The following SULT1C3 variants were observed in gnomAD, a reference collection of about 807,000 sequenced individuals.
SULT1C3 encodes the protein sulfotransferase family 1C member 3.
Under a neutral mutation model 28.4 loss-of-function variants are expected in SULT1C3, and 31 were observed. The observed-to-expected ratio is 1.09, with a 90% CI of 0.82 to 1.47. The LOEUF (loss-of-function observed/expected upper bound fraction) is 1.47. Ranked by LOEUF, SULT1C3 falls within the 40% of genes most tolerant of loss-of-function variation. The pLI is 0.00. For missense variants in SULT1C3, 307 were observed against 272.5 expected (o/e 1.13, Z -0.89); for synonymous variants, 106 against 92.2 (o/e 1.15, Z -0.86).
chr2:108,258,627 A>T, intron 5 of SULT1C3, 107 bp from the exon 6 acceptor site: 1 of 798,530 alleles, frequency 1.3e-6, no homozygotes, highest in Non-Finnish European at 2.0e-6. Flanking sequence ...TCGTTAAGGA[A>T]CCAGAACGAT....
At chr2:108,251,910 G>T (rs962633688) in intron 2 of SULT1C3, among the ~76,000 whole-genome samples, 3 of 151,992 alleles carry the variant, frequency 2.0e-5, no homozygotes, top group Admixed American at 1.3e-4. Context: ...GATGTGATGA[G>T]AAACATTTAG....
downstream of SULT1C3, among the ~76,000 whole-genome samples, chr2:108,263,719 G>A (rs1013511706): frequency 2.0e-5 from 3 of 152,182 alleles, no homozygotes; most frequent in African/African-American, 7.2e-5. Flanking sequence ...AGGAAAAATG[G>A]GGTAGTGCAT....
At chr2:108,241,648 C>A (rs1012655304) in intron 1 of SULT1C3, among the ~76,000 whole-genome samples, 3 of 152,156 alleles carry the variant, frequency 2.0e-5, no homozygotes, top group Non-Finnish European at 4.4e-5. Flanking sequence ...ATGACTGGGA[C>A]AGGTCGTGGT....
At chr2:108,260,259 T>C (rs778835865) in intron 7 of SULT1C3, among the ~76,000 whole-genome samples, 8 of 152,248 alleles carry the variant, frequency 5.3e-5, no homozygotes, top group Admixed American at 1.3e-4. Context: ...GGTAACCAGC[T>C]GTAGACTTTG....
At chr2:108,262,998 G>C (rs1676056409), downstream of SULT1C3, among the ~76,000 whole-genome samples, 1 of 152,140 alleles carries the variant, frequency 6.6e-6, no homozygotes, top group Non-Finnish European at 1.5e-5. Flanking sequence ...AGACATATGT[G>C]ATTAATTTAT....
chr2:108,253,709 A>G (rs1675792073), intron 4 of SULT1C3, among the ~76,000 whole-genome samples: 1 of 152,068 alleles, frequency 6.6e-6, no homozygotes, highest in African/African-American at 2.4e-5. Flanking sequence ...GCTACAAATC[A>G]GAGAGTGTAT....
intron 6 of SULT1C3, 54 bp downstream of exon 6, chr2:108,258,882 A>C: frequency 7.1e-7 from 1 of 1,413,318 alleles, no homozygotes; most frequent in East Asian, 2.3e-5. Context: ...TGACAATGTT[A>C]TTCTGTTAAA....
At chr2:108,252,286 G>T in intron 2 of SULT1C3, 79 bp from the exon 3 acceptor site, 1 of 1,407,260 alleles carries the variant, frequency 7.1e-7, no homozygotes, top group African/African-American at 1.4e-5. Flanking sequence ...TCATGTTGCT[G>T]TCTTTCTTCA....
downstream of SULT1C3, among the ~76,000 whole-genome samples, chr2:108,261,227 C>G (rs1676020236): frequency 6.6e-6 from 1 of 152,112 alleles, no homozygotes; most frequent in Admixed American, 6.6e-5. Context: ...GATTACTGCT[C>G]TACTTTTGGC....
rs186129953 is a variant in SULT1C3 at position 108,254,700 on chromosome 2, T to C, written c.400-872T>C. 4.5e-3 allele frequency among the ~76,000 whole-genome samples: 644 copies of C among 143,958 alleles called. 7 individuals are homozygous for C. Among genetic ancestry groups the C allele is most frequent in the African/African-American group, 0.018 (616 of 34,344 alleles). The allele number at this position is 143,958 out of a possible 152,430, so 94.4% of individuals were successfully genotyped here. A position where few individuals can be genotyped will look rare whatever the true frequency, so the allele number is the denominator to read the frequency against. On this transcript the variant is annotated intron_variant, in intron 4 of 7. Coordinates refer to ENST00000681802, the MANE Select transcript of SULT1C3 (RefSeq NM_001320878.2). ...ACCATGTGAGATATGTGTGTGTGTG[T>C]GTATATATATATGTATGTATATATA...
chr2:108,256,467 G>T (rs1167011680), intron 5 of SULT1C3, among the ~76,000 whole-genome samples: 2 of 152,190 alleles, frequency 1.3e-5, no homozygotes, highest in East Asian at 3.9e-4. Context: ...CATTATAACT[G>T]CAGTGAGCAG....
At chr2:108,243,045 CTT>C (rs1675499203) in intron 1 of SULT1C3, among the ~76,000 whole-genome samples, 2 of 152,256 alleles carry the variant, frequency 1.3e-5, no homozygotes, top group South Asian at 4.1e-4. Flanking sequence ...AGATTTTTGA[CTT>C]TTCAATTTTA....
Position 108,258,783 on chromosome 2 carries a change from A to G in SULT1C3, c.576A>G (p.Lys192=). Residue 192 remains lysine (K), a synonymous_variant, in exon 6 of 8, where the codon AAA becomes AAG. Coordinates refer to ENST00000681802, the MANE Select transcript of SULT1C3 (RefSeq NM_001320878.2). ...ATGTGAAAGGATGGTGGGCTGCAAAAGACATGCACCGGATCCTCTACCTCT... is the reference window on the plus strand; with the variant it reads ...ATGTGAAAGGATGGTGGGCTGCAAAGGACATGCACCGGATCCTCTACCTCT... ...FDHVKGWWAA[K]DMHRILYLFY... is the part of the protein sequence containing the mutation. 1 of 1,613,034 alleles carries G rather than the reference A, an allele frequency of 6.2e-7. No individual in the cohort carries two copies. Among genetic ancestry groups the G allele is most frequent in the Admixed American group, 1.7e-5 (1 of 59,908 alleles).
At chr2:108,251,060 G>A (rs745704788) in intron 2 of SULT1C3, among the ~76,000 whole-genome samples, 5 of 151,864 alleles carry the variant, frequency 3.3e-5, no homozygotes, top group Non-Finnish European at 7.4e-5. Context: ...TTCAAAAAAC[G>A]TGATTCCATA....
Position 108,247,374 on chromosome 2 carries a change from T to C in SULT1C3, c.172+8T>C, listed in dbSNP as rs959569158. The C allele has an allele frequency of 3.9e-6, 6 of 1,522,918 alleles. No individual in the cohort carries two copies. The highest frequency in any genetic ancestry group is 2.2e-5 in the Admixed American group (1 of 46,150). The allele number at this position is 1,522,918 out of a possible 1,614,324, so 94.3% of individuals were successfully genotyped here. ...CAACTTACCCAAAGTCAGGTAAGGGTAGCAAAACATAAAAATATTCAATAT... is the reference window on the plus strand; with the variant it reads ...CAACTTACCCAAAGTCAGGTAAGGGCAGCAAAACATAAAAATATTCAATAT... On this transcript the variant is annotated splice_region_variant and intron_variant, in intron 2 of 7. Transcript: ENST00000681802.
At chr2:108,259,671 TG>T (rs1265596776) in intron 7 of SULT1C3, among the ~76,000 whole-genome samples, 1 of 152,118 alleles carries the variant, frequency 6.6e-6, no homozygotes, top group African/African-American at 2.4e-5. Context: ...TGTTCAGTTT[TG>T]TTCCACTAGA....
chr2:108,253,321 A>G, intron 3 of SULT1C3, 24 bp from the exon 4 acceptor site: 1 of 1,445,414 alleles, frequency 6.9e-7, no homozygotes, highest in Non-Finnish European at 9.3e-7. Context: ...GAATAAACAA[A>G]GAATATAAAT....
At chr2:108,261,665 A>C (rs1573228038), downstream of SULT1C3, among the ~76,000 whole-genome samples, 2 of 152,194 alleles carry the variant, frequency 1.3e-5, no homozygotes, top group Non-Finnish European at 2.9e-5. Context: ...GAAAGACTTA[A>C]ACTCAGAAAT....
intron 5 of SULT1C3, among the ~76,000 whole-genome samples, chr2:108,256,505 T>C (rs1428255519): frequency 2.6e-5 from 4 of 152,068 alleles, no homozygotes; most frequent in African/African-American, 9.7e-5. Flanking sequence ...AAACATTACA[T>C]GGTGTCTCCA....
Sources: gnomAD v4.1 joint callset for allele counts (sites outside exome capture counted in the v4.1 genomes callset) on GRCh38, gnomAD v4.1.1 for gene constraint, MANE v1.5 for transcripts, NCBI Gene and HGNC (gene_info 2026-07-23, HGNC 2026-07-21) for gene names.